The following FRMPD3 variants were observed in gnomAD, a reference collection of about 807,000 sequenced individuals.
FRMPD3 encodes FERM and PDZ domain containing 3, also known as FERM and PDZ domain-containing protein 3.
FRMPD3 carries 42 observed loss-of-function variants against 97.9 expected under a neutral mutation model. That is an observed-to-expected ratio of 0.43 (90% CI 0.34 to 0.55). The LOEUF is 0.55. Among genes scored for constraint, FRMPD3 ranks in the 20% least tolerant of loss-of-function variants. FRMPD3 has a pLI of 0.03. For synonymous variants in FRMPD3, 577 were observed against 581.1 expected (o/e 0.99, Z 0.10); for missense variants, 1,303 against 1,457.7 (o/e 0.89, Z 1.73).
At chrX:107,517,205 G>T (rs1922362819) in intron 1 of FRMPD3, among the ~76,000 whole-genome samples, 2 of 111,700 alleles carry the variant, frequency 1.8e-5, no homozygotes, top group South Asian at 7.5e-4. Flanking sequence ...GCTCTGTTCT[G>T]TTCCATTGAT....
chrX:107,480,388 G>T (rs993719703), intron 1 of FRMPD3, among the ~76,000 whole-genome samples: 8 of 111,692 alleles, frequency 7.2e-5, no homozygotes, highest in African/African-American at 2.6e-4. Flanking sequence ...TACATGGAGG[G>T]TACTTAGGTC....
intron 4 of FRMPD3, among the ~76,000 whole-genome samples, chrX:107,542,831 A>T (rs1921380088): frequency 9.0e-6 from 1 of 111,396 alleles, no homozygotes; most frequent in Non-Finnish European, 1.9e-5. Flanking sequence ...TGATTGTAGG[A>T]CTCAGGCTCC....
intron 1 of FRMPD3, among the ~76,000 whole-genome samples, chrX:107,507,842 GTCAC>G (rs1209757386): frequency 1.8e-5 from 2 of 112,163 alleles, no homozygotes; most frequent in Non-Finnish European, 3.8e-5. Context: ...TCCATCCCCA[GTCAC>G]TCATTTTACT....
intron 10 of FRMPD3, 71 bp downstream of exon 10, chrX:107,560,924 C>T: frequency 9.4e-7 from 1 of 1,062,665 alleles, no homozygotes; most frequent in South Asian, 2.3e-5. Context: ...GGGTGGTTTC[C>T]CAGCAGAGTC....
intron 1 of FRMPD3, among the ~76,000 whole-genome samples, chrX:107,475,179 G>T (rs747919130): frequency 5.9e-4 from 66 of 111,433 alleles, no homozygotes; most frequent in Non-Finnish European, 9.8e-4. Flanking sequence ...GAATATGTGT[G>T]TATGAGAGAG....
intron 1 of FRMPD3, among the ~76,000 whole-genome samples, chrX:107,456,372 A>T (rs1197384896): frequency 3.6e-5 from 4 of 111,573 alleles, no homozygotes; most frequent in African/African-American, 9.8e-5. Flanking sequence ...TCAACCTCAA[A>T]AAAATTAGAG....
At chrX:107,567,854 G>A (rs1851590859) in intron 12 of FRMPD3, among the ~76,000 whole-genome samples, 1 of 111,184 alleles carries the variant, frequency 9.0e-6, no homozygotes, top group South Asian at 3.8e-4. Context: ...GCAGTGAGGA[G>A]GGGATCATGG....
chrX:107,479,408 C>A (rs1385015334), intron 1 of FRMPD3, among the ~76,000 whole-genome samples: 1 of 112,158 alleles, frequency 8.9e-6, no homozygotes, highest in Non-Finnish European at 1.9e-5. Flanking sequence ...GTTTACATAG[C>A]ACTTCATAGT....
intron 1 of FRMPD3, among the ~76,000 whole-genome samples, chrX:107,514,137 G>A (rs1229039446): frequency 9.0e-6 from 1 of 111,402 alleles, no homozygotes; most frequent in Non-Finnish European, 1.9e-5. Flanking sequence ...AAAGACCTTG[G>A]TGTGTTGAGA....
chrX:107,456,235 G>T (rs1275752974), intron 1 of FRMPD3, among the ~76,000 whole-genome samples: 2 of 110,072 alleles, frequency 1.8e-5, no homozygotes, highest in Non-Finnish European at 3.8e-5. Context: ...GGGTCTTGTT[G>T]TGTTGCCTAA....
At chrX:107,568,690 T>C (rs1004792476) in intron 12 of FRMPD3, among the ~76,000 whole-genome samples, 2 of 107,771 alleles carry the variant, frequency 1.9e-5, no homozygotes, top group Non-Finnish European at 3.8e-5. Context: ...GCCGAGATCA[T>C]GCCACTGCAT....
At chrX:107,585,953 T>C (rs1174217151) in intron 13 of FRMPD3, among the ~76,000 whole-genome samples, 3 of 112,358 alleles carry the variant, frequency 2.7e-5, no homozygotes, top group Non-Finnish European at 5.6e-5. Flanking sequence ...GATGCTGGCT[T>C]CATAAAATGA....
intron 2 of FRMPD3, among the ~76,000 whole-genome samples, 177 bp downstream of exon 2, chrX:107,526,913 A>G (rs1922717511): frequency 1.8e-5 from 2 of 111,903 alleles, no homozygotes; most frequent in South Asian, 7.6e-4. Flanking sequence ...TAAGACTGAT[A>G]GACACAACAA....
intron 1 of FRMPD3, among the ~76,000 whole-genome samples, chrX:107,499,692 G>A (rs1921857952): frequency 8.9e-6 from 1 of 112,508 alleles, no homozygotes; most frequent in African/African-American, 3.2e-5. Context: ...ATACATGTAT[G>A]TGTACATATA....
chrX:107,479,461 G>A (rs1390500445), intron 1 of FRMPD3, among the ~76,000 whole-genome samples: 1 of 112,294 alleles, frequency 8.9e-6, no homozygotes, highest in African/African-American at 3.2e-5. Context: ...CATTTTAAGT[G>A]TAGAAACTTT....
chrX:107,560,850 C>T lies in FRMPD3; in HGVS notation c.1023C>T (p.Thr341=). Residue 341 remains threonine, a synonymous_variant, in exon 10 of 15, where the codon ACC becomes ACT. Coordinates refer to ENST00000683843, the MANE Select transcript of FRMPD3 (RefSeq NM_001388459.1). The part of the protein sequence containing the change: ...KAHQTHPSCG[T]KGSAIQAKLQ... ...ACCAAACACATCCTTCCTGCGGCAC[C>T]AAGGTATCCAGAGTAGACCACTGGG... The T allele has an allele frequency of 8.4e-7, 1 of 1,193,488 alleles. No individual in the cohort carries two copies. The highest frequency in any genetic ancestry group is 3.0e-5 in the East Asian group (1 of 32,962).
chrX:107,599,383 A>G (rs7889118), intron 14 of FRMPD3, among the ~76,000 whole-genome samples: 18,774 of 111,560 alleles, frequency 0.17, 3,446 homozygotes, highest in African/African-American at 0.55. Flanking sequence ...TGCCTTTTCC[A>G]TGTGTGAGGA....
Position 107,600,979 on chromosome X carries a change from C to T in FRMPD3, c.2940C>T (p.Pro980=). Residue 980 remains proline (P), a synonymous_variant, in exon 15 of 15, where the codon CCC becomes CCT. Transcript: ENST00000683843. ...VTAGGALGNP[P]SRGERRLEAS... ...CTGGTGGGGCTTTGGGGAACCCCCC[C>T]AGCAGGGGTGAGAGAAGGCTGGAGG... The T allele has an allele frequency of 1.7e-6, 2 of 1,208,302 alleles. No individual in the cohort carries two copies. Among genetic ancestry groups the T allele is most frequent in the Non-Finnish European group, 2.2e-6 (2 of 894,139 alleles).
intron 1 of FRMPD3, among the ~76,000 whole-genome samples, chrX:107,479,835 TACACAC>T (rs72364087): frequency 2.3e-4 from 22 of 94,316 alleles, no homozygotes; most frequent in East Asian, 6.9e-4. Flanking sequence ...TTACCATGAT[TACACAC>T]ACACACACAC....
Sources: gnomAD v4.1 joint callset for allele counts (sites outside exome capture counted in the v4.1 genomes callset) on GRCh38, gnomAD v4.1.1 for gene constraint, MANE v1.5 for transcripts, NCBI Gene and HGNC (gene_info 2026-07-23, HGNC 2026-07-21) for gene names.